The following EXOG variants were observed in gnomAD, a reference collection of about 807,000 sequenced individuals.
The protein encoded by EXOG is nuclease EXOG, mitochondrial.
A neutral mutation model predicts 25.8 loss-of-function variants in EXOG; 27 were observed. The ratio of observed to expected loss-of-function variants is 1.05; its 90% CI spans 0.77 to 1.45. EXOG has a LOEUF of 1.45. EXOG is among the 40% of genes most tolerant of loss of function. The pLI is 0.00. For synonymous variants in EXOG, 133 were observed against 167.0 expected, an observed-to-expected ratio of 0.80 and a Z score of 1.57; for missense variants, 458 against 450.5, an observed-to-expected ratio of 1.02 and a Z score of -0.15.
At chr3:38,519,844 T>G (rs561831204) in intron 5 of EXOG, among the ~76,000 whole-genome samples, 9 of 152,154 alleles carry the variant, frequency 5.9e-5, no homozygotes, top group Non-Finnish European at 1.0e-4. Context: ...GCGACCACAT[T>G]CTTGTTGACT....
chr3:38,524,264 A>G lies in EXOG; in HGVS notation c.1009A>G (p.Ile337Val). 2.5e-6 allele frequency: 4 copies of G among 1,614,196 alleles called. No individual in the cohort carries two copies. The highest frequency in any genetic ancestry group is 2.5e-6 in the Non-Finnish European group (3 of 1,180,020). The change falls in exon 6 of 6, where the codon ATT (isoleucine) becomes GTT (valine). Residue 337 changes from isoleucine to valine, a missense_variant. This residue lies in a region of EXOG where 178 missense variants were observed against 203.7 expected (regional missense o/e 0.87). Coordinates refer to ENST00000287675, the MANE Select transcript of EXOG (RefSeq NM_005107.4). ...KIMENLKNAE[I>V]EPDDYFMSRY... The stretch of plus-strand genomic sequence containing the variant: ...CATGGAAAACTTGAAGAATGCAGAG[A>G]TTGAACCAGATGATTACTTTATGAG...
chr3:38,520,369 G>C (rs1469996382), intron 5 of EXOG, among the ~76,000 whole-genome samples: 1 of 152,186 alleles, frequency 6.6e-6, no homozygotes, highest in Non-Finnish European at 1.5e-5. Flanking sequence ...GTCTTGAGTA[G>C]AGTTCAGTGC....
chr3:38,508,808 C>T (rs2060283348), intron 5 of EXOG, among the ~76,000 whole-genome samples: 1 of 151,430 alleles, frequency 6.6e-6, no homozygotes, highest in South Asian at 2.1e-4. Flanking sequence ...CAGTAATGTC[C>T]AAGCATCCAA....
intron 1 of EXOG, 149 bp downstream of exon 1, chr3:38,496,679 GCTCGGCCTCCCTTCCCCAC>G: frequency 6.9e-7 from 1 of 1,442,290 alleles, no homozygotes; most frequent in Non-Finnish European, 9.1e-7. Context: ...TATTCTCCCG[GCTCGGCCTCCCTTCCCCAC>G]CTCGCGTCTC....
Position 38,524,029 on chromosome 3 carries a change from C to T in EXOG, c.774C>T (p.Phe258=), listed in dbSNP as rs1199706732. Residue 258 remains phenylalanine (F), a synonymous_variant, in exon 6 of 6, where the codon TTC becomes TTT. Coordinates refer to ENST00000287675, the MANE Select transcript of EXOG (RefSeq NM_005107.4). The stretch of plus-strand genomic sequence containing the variant: ...TGGTACCCAATGAAGCCATCGGCTT[C>T]CAGCCCCAGTTAACTGAATTCCAAG... ...AFVVPNEAIG[F]QPQLTEFQVS... 3 of 1,614,176 alleles carry T rather than the reference C, an allele frequency of 1.9e-6. No homozygotes were observed.
At chr3:38,498,617 T>G (rs952776697) in intron 2 of EXOG, 1 of 192,576 alleles carries the variant, frequency 5.2e-6, no homozygotes, top group African/African-American at 2.4e-5. Flanking sequence ...TTAGTAAGGC[T>G]TCTCTGGAAA....
chr3:38,500,269 A>G (rs1023646058), intron 2 of EXOG: 1 of 152,478 alleles, frequency 6.6e-6, no homozygotes. Context: ...ACGGTTCTCC[A>G]CTGGGAATAC....
intron 5 of EXOG, among the ~76,000 whole-genome samples, chr3:38,511,784 T>G (rs1408765845): frequency 6.6e-6 from 1 of 152,244 alleles, no homozygotes; most frequent in Non-Finnish European, 1.5e-5. Context: ...ATGACCTAAC[T>G]TCTTTAAAGT....
intron 5 of EXOG, chr3:38,513,731 C>T (rs1346946563): frequency 1.3e-5 from 2 of 152,098 alleles, no homozygotes; most frequent in African/African-American, 4.8e-5. Flanking sequence ...TTTCTTCTTT[C>T]CTTCCTTTTA....
intron 5 of EXOG, among the ~76,000 whole-genome samples, chr3:38,519,899 C>T (rs545693505): frequency 6.6e-6 from 1 of 152,212 alleles, no homozygotes; most frequent in African/African-American, 2.4e-5. Context: ...TCCTTCCCCC[C>T]CTCAGGTTCG....
intron 3 of EXOG, among the ~76,000 whole-genome samples, chr3:38,502,587 A>G (rs77891794): frequency 1.3e-5 from 2 of 152,182 alleles, no homozygotes; most frequent in South Asian, 4.1e-4. Context: ...GGATGTTTAT[A>G]TATATGAGTA....
chr3:38,507,237 A>G (rs527745851), intron 5 of EXOG, among the ~76,000 whole-genome samples: 2 of 152,382 alleles, frequency 1.3e-5, no homozygotes, highest in South Asian at 2.1e-4. Context: ...AAAGTGTGAC[A>G]TGCTGTAATA....
At position 38,524,282 on chromosome 3, in the gene EXOG, T is replaced by C; in HGVS notation, c.1027T>C (p.Phe343Leu). The C allele has an allele frequency of 6.2e-7, 1 of 1,614,158 alleles. No individual in the cohort carries two copies. The highest frequency in any genetic ancestry group is 8.5e-7 in the Non-Finnish European group (1 of 1,180,016). The change falls in exon 6 of 6, where the codon TTT (phenylalanine) becomes CTT (leucine). Residue 343 changes from phenylalanine to leucine, a missense_variant. Physicochemically the swap from Phe to Leu is conservative, Grantham distance 22. Coordinates refer to ENST00000287675, the MANE Select transcript of EXOG (RefSeq NM_005107.4). ...KNAEIEPDDY[F>L]MSRYEKKLEE... Reference sequence around the variant, plus strand: ...TGCAGAGATTGAACCAGATGATTACTTTATGAGTCGCTATGAGAAGAAGCT... The same window carrying C: ...TGCAGAGATTGAACCAGATGATTACCTTATGAGTCGCTATGAGAAGAAGCT...
At position 38,525,786 on chromosome 3, in the gene EXOG, A is replaced by T. The variant is rs1484752575; in HGVS notation, c.*1424A>T. On this transcript the variant is annotated 3_prime_UTR_variant, in exon 6 of 6. Coordinates refer to ENST00000287675, the MANE Select transcript of EXOG (RefSeq NM_005107.4). Reference sequence around the variant, plus strand: ...AATGAAACCCTATCTTTACAAAAAAATACAAAAATTAGCTGGGCGTGGTGG... The same window carrying T: ...AATGAAACCCTATCTTTACAAAAAATTACAAAAATTAGCTGGGCGTGGTGG... 21 of 420,588 alleles carry T rather than the reference A, an allele frequency of 5.0e-5. No individual in the cohort carries two copies. The highest frequency in any genetic ancestry group is 6.4e-5 in the Non-Finnish European group (20 of 313,978). The allele number at this position is 420,588 out of a possible 1,614,324, so 26.1% of individuals were successfully genotyped here.
chr3:38,522,734 C>A (rs2060758422), intron 5 of EXOG, among the ~76,000 whole-genome samples: 1 of 152,106 alleles, frequency 6.6e-6, no homozygotes, highest in Admixed American at 6.5e-5. Flanking sequence ...AAACTCCCAA[C>A]CTCAGGAGAT....
chr3:38,501,135 A>C (rs747887900), intron 2 of EXOG: 4 of 391,600 alleles, frequency 1.0e-5, no homozygotes, highest in Admixed American at 8.7e-5. Context: ...AAATTATATG[A>C]GATAGCTACA....
At chr3:38,518,621 AGTTG>A (rs1342687695) in intron 5 of EXOG, among the ~76,000 whole-genome samples, 2 of 152,192 alleles carry the variant, frequency 1.3e-5, no homozygotes. Context: ...TATTTTAGGA[AGTTG>A]TACCCAATAA....
At chr3:38,496,724 G>T in intron 1 of EXOG, 194 bp downstream of exon 1, 4 of 1,451,674 alleles carry the variant, frequency 2.8e-6, no homozygotes, top group Non-Finnish European at 3.6e-6. Context: ...CTTCCCTCAT[G>T]TCCTTCCTTC....
chr3:38,506,835 T>G lies in EXOG; in HGVS notation c.531-19T>G. 5 of 1,252,400 alleles carry G rather than the reference T, an allele frequency of 4.0e-6. No individual in the cohort carries two copies. Among genetic ancestry groups the G allele is most frequent in the Non-Finnish European group, 5.8e-6 (5 of 855,774 alleles). 77.6% of individuals were successfully genotyped at this position (1,252,400 alleles called of 1,614,324 possible). A position where few individuals can be genotyped will look rare whatever the true frequency, so the allele number is the denominator to read the frequency against. Reference sequence around the variant, plus strand: ...GTATATATGTGAGAATATCATACATTTTTTTATTTGTTTTTCAGAATAGAA... The same window carrying G: ...GTATATATGTGAGAATATCATACATGTTTTTATTTGTTTTTCAGAATAGAA... On this transcript the variant is annotated intron_variant, in intron 4 of 5. Coordinates refer to ENST00000287675, the MANE Select transcript of EXOG (RefSeq NM_005107.4).
Sources: gnomAD v4.1 joint callset for allele counts (sites outside exome capture counted in the v4.1 genomes callset) on GRCh38, gnomAD v4.1.1 for gene constraint, gnomAD v4.1.1 regional missense constraint, MANE v1.5 for transcripts, NCBI Gene and HGNC (gene_info 2026-07-23, HGNC 2026-07-21) for gene names.